INPP5F: variants seen among roughly 807,000 people sequenced by gnomAD.
The protein encoded by INPP5F is phosphatidylinositide 4-phosphatase SAC2.
Under a neutral mutation model 137.2 loss-of-function variants are expected in INPP5F, and 97 were observed. That is an observed-to-expected ratio of 0.71 (90% CI 0.60 to 0.84). The LOEUF is 0.84. Ranked by LOEUF, INPP5F falls within the 40% of genes least tolerant of loss-of-function variation. INPP5F has a pLI of 0.00. For synonymous variants in INPP5F, 504 were observed against 476.9 expected (o/e 1.06, Z -0.74); for missense variants, 1,271 against 1,371.9 (o/e 0.93, Z 1.16).
At chr10:119,739,331 T>A (rs560522859) in intron 1 of INPP5F, among the ~76,000 whole-genome samples, 2 of 152,294 alleles carry the variant, frequency 1.3e-5, no homozygotes, top group African/African-American at 4.8e-5. Flanking sequence ...TCCTGGTTTG[T>A]ATAAAAGAAG....
At position 119,787,182 on chromosome 10, in the gene INPP5F, T is replaced by C. The variant is rs34656147; in HGVS notation, c.316-4335T>C. Among the ~76,000 whole-genome samples, 7,209 of 152,280 alleles carry C rather than the reference T, an allele frequency of 0.047. 311 individuals are homozygous for C. Among genetic ancestry groups the C allele is most frequent in the South Asian group, 0.26 (1,239 of 4,824 alleles). ...AGTTTTTAACTTAAAAGATACACTT[T>C]CAGGTTTTAGAGTTTTTTGGATTTT... On this transcript the variant is annotated intron_variant, in intron 3 of 19. Coordinates refer to ENST00000650623, the MANE Select transcript of INPP5F (RefSeq NM_014937.4). This position sits in a 1 kb window ranked among gnomAD's most constrained non-coding sequence, Gnocchi z 4.1.
At chr10:119,732,229 G>T (rs928731446) in intron 1 of INPP5F, among the ~76,000 whole-genome samples, 1 of 151,792 alleles carries the variant, frequency 6.6e-6, no homozygotes. Context: ...TAGAGACAGG[G>T]TTTCGCCACG....
At chr10:119,817,115 G>T (rs1432704206) in intron 15 of INPP5F, among the ~76,000 whole-genome samples, 1 of 152,188 alleles carries the variant, frequency 6.6e-6, no homozygotes, top group Non-Finnish European at 1.5e-5. Context: ...GTGACTGGCT[G>T]CTTTCAGTTA....
chr10:119,760,100 G>A (rs1258841697), intron 2 of INPP5F, among the ~76,000 whole-genome samples: 2 of 152,182 alleles, frequency 1.3e-5, no homozygotes, highest in African/African-American at 4.8e-5. Context: ...ATATCTCTAA[G>A]TGGCATGGCA....
At position 119,790,222 on chromosome 10, in the gene INPP5F, C is replaced by T. The variant is rs527589889; in HGVS notation, c.316-1295C>T. Among the ~76,000 whole-genome samples the T allele has an allele frequency of 1.2e-4, 18 of 152,144 alleles. No homozygotes were observed. The South Asian group carries it at 3.5e-3, about 30-fold the overall frequency. ...GCCTGTGTGCTGACGGAAACGATCACAGAAAGAGGGATGCCATGTCCATAA... is the reference window on the plus strand; with the variant it reads ...GCCTGTGTGCTGACGGAAACGATCATAGAAAGAGGGATGCCATGTCCATAA... On this transcript the variant is annotated intron_variant, in intron 3 of 19. Coordinates refer to ENST00000650623, the MANE Select transcript of INPP5F (RefSeq NM_014937.4).
chr10:119,823,725 A>G, intron 18 of INPP5F, 90 bp from the exon 19 acceptor site: 1 of 910,072 alleles, frequency 1.1e-6, no homozygotes, highest in Non-Finnish European at 1.6e-6. Context: ...ATACGACGAC[A>G]AATTTCATTC....
At chr10:119,805,533 G>T in intron 11 of INPP5F, 72 bp downstream of exon 11, 1 of 1,020,836 alleles carries the variant, frequency 9.8e-7, no homozygotes, top group South Asian at 1.3e-5. Context: ...GCATTAAACT[G>T]ATAGCAGCAT....
At chr10:119,805,794 G>A (rs1001218674) in intron 11 of INPP5F, among the ~76,000 whole-genome samples, 6 of 152,132 alleles carry the variant, frequency 3.9e-5, no homozygotes, top group Non-Finnish European at 8.8e-5. Context: ...AGTCTTAGAG[G>A]TACTTTGTCT....
intron 1 of INPP5F, among the ~76,000 whole-genome samples, chr10:119,733,746 G>A (rs1848150277): frequency 6.6e-6 from 1 of 152,196 alleles, no homozygotes; most frequent in Admixed American, 6.5e-5. Context: ...CCGTGAAGGT[G>A]CCAGAAACTA....
At chr10:119,737,152 G>T in intron 1 of INPP5F, among the ~76,000 whole-genome samples, 1 of 152,162 alleles carries the variant, frequency 6.6e-6, no homozygotes, top group East Asian at 1.9e-4. Flanking sequence ...TCTTTTCTAG[G>T]TGGTATCTTT....
chr10:119,804,852 G>A (rs1261694928), intron 10 of INPP5F, among the ~76,000 whole-genome samples: 4 of 151,692 alleles, frequency 2.6e-5, no homozygotes, highest in African/African-American at 7.3e-5. Context: ...TCAGCCTCCC[G>A]AGTAGCTGGG....
chr10:119,777,337 G>A (rs1264420728), intron 2 of INPP5F, among the ~76,000 whole-genome samples: 4 of 152,028 alleles, frequency 2.6e-5, no homozygotes, highest in Admixed American at 6.6e-5. Flanking sequence ...GTGAAATCCC[G>A]TCCCTACTAA....
In INPP5F at chr10:119,827,146, C is replaced by T. The variant is rs993607720; in HGVS notation, c.2765C>T (p.Thr922Ile). 6.2e-7 allele frequency: 1 copy of T among 1,614,094 alleles called. No individual in the cohort carries two copies. Among genetic ancestry groups the T allele is most frequent in the Non-Finnish European group, 8.5e-7 (1 of 1,180,024 alleles). ...DSSVHAPSEI[T>I]VAHGSGLGKG... Reference sequence around the variant, plus strand: ...AGCGTTCATGCTCCTTCAGAGATTACTGTTGCTCATGGGAGTGGGCTTGGA... The same window carrying T: ...AGCGTTCATGCTCCTTCAGAGATTATTGTTGCTCATGGGAGTGGGCTTGGA... The change falls in exon 20 of 20, where the codon ACT (threonine) becomes ATT (isoleucine). Residue 922 changes from threonine (T) to isoleucine (I), a missense_variant. Physicochemically the swap from Thr to Ile is moderately conservative, Grantham distance 89. Around this residue, in one of 6 missense-constraint regions of INPP5F, gnomAD observed 490 missense variants for 443.7 expected, o/e 1.10. Coordinates refer to ENST00000650623, the MANE Select transcript of INPP5F (RefSeq NM_014937.4).
intron 1 of INPP5F, among the ~76,000 whole-genome samples, chr10:119,739,698 T>C (rs1441848834): frequency 6.6e-6 from 1 of 152,150 alleles, no homozygotes; most frequent in Non-Finnish European, 1.5e-5. Flanking sequence ...GGCGTGATCA[T>C]GGGTCACTGC....
At chr10:119,747,487 G>A (rs551155400) in intron 1 of INPP5F, among the ~76,000 whole-genome samples, 52 of 152,194 alleles carry the variant, frequency 3.4e-4, no homozygotes, top group African/African-American at 1.1e-3. Flanking sequence ...CCAAAGTGTT[G>A]GGGTTACAGG....
chr10:119,821,864 CTTTTTTTT>C (rs11347174), intron 16 of INPP5F, among the ~76,000 whole-genome samples: 3 of 88,154 alleles, frequency 3.4e-5, no homozygotes, highest in African/African-American at 8.8e-5. Context: ...CTTGTAGTTG[CTTTTTTTT>C]TTTTTTTTTT....
At chr10:119,804,799 T>A (rs1850710595) in intron 10 of INPP5F, among the ~76,000 whole-genome samples, 1 of 151,904 alleles carries the variant, frequency 6.6e-6, no homozygotes, top group Non-Finnish European at 1.5e-5. Context: ...TGATCTGGGC[T>A]CACTGCAACC....
chr10:119,767,941 G>A (rs1310432194), intron 2 of INPP5F, among the ~76,000 whole-genome samples: 1 of 152,176 alleles, frequency 6.6e-6, no homozygotes, highest in Non-Finnish European at 1.5e-5. Context: ...AGTTTAGACT[G>A]TCAATTTGAA....
chr10:119,744,342 C>T (rs540586540), intron 1 of INPP5F, among the ~76,000 whole-genome samples: 10 of 152,314 alleles, frequency 6.6e-5, no homozygotes, highest in Admixed American at 3.3e-4. Flanking sequence ...AAAACAAAGA[C>T]GACTTTGACT....
Sources: allele counts gnomAD v4.1 joint callset (sites outside exome capture counted in the v4.1 genomes callset), GRCh38; gene constraint gnomAD v4.1.1; regional missense constraint gnomAD v4.1.1; non-coding constraint Gnocchi (gnomAD v3.1); transcripts MANE v1.5; gene names NCBI Gene and HGNC (gene_info 2026-07-23, HGNC 2026-07-21).